The following PATJ variants were observed in gnomAD, a reference collection of about 807,000 sequenced individuals.
PATJ encodes inaD-like protein.
In PATJ, 190 loss-of-function variants were observed where a neutral mutation model predicts 224.9. The observed-to-expected ratio is 0.84, with a 90% confidence interval of 0.75 to 0.95. PATJ has a LOEUF of 0.95. PATJ is among the 40% of genes least tolerant of loss of function. The pLI is 0.00. For missense variants in PATJ, 2,121 were observed against 2,270.3 expected (o/e 0.93, Z 1.34); for synonymous variants, 769 against 820.3 (o/e 0.94, Z 1.07).
In PATJ at chr1:62,163,821, A is replaced by C. The variant is rs746827812; in HGVS notation, c.*2767A>C. 6.6e-6 allele frequency: 1 copy of C among 152,208 alleles called. No individual in the cohort carries two copies. Among genetic ancestry groups the C allele is most frequent in the Non-Finnish European group, 1.5e-5 (1 of 68,034 alleles). 9.4% of individuals were successfully genotyped at this position (152,208 alleles called of 1,614,324 possible). A position where few individuals can be genotyped will look rare whatever the true frequency, so the allele number is the denominator to read the frequency against. On this transcript the variant is annotated 3_prime_UTR_variant, in exon 44 of 44. Transcript: ENST00000642238. ...AATGATATCACTAATCGGAATTAGC[A>C]TGAGAGGGAAGTAAGCCAGGAAGAA...
intron 18 of PATJ, 142 bp downstream of exon 18, chr1:61,856,381 C>T: frequency 1.5e-6 from 1 of 650,560 alleles, no homozygotes; most frequent in Non-Finnish European, 2.7e-6. Context: ...TTCTTAATGT[C>T]CTTGACTTAC....
intron 25 of PATJ, among the ~76,000 whole-genome samples, chr1:61,912,730 G>A (rs1448685540): frequency 6.7e-6 from 1 of 149,462 alleles, no homozygotes; most frequent in East Asian, 2.0e-4. Flanking sequence ...GGGGAGGGGA[G>A]GGAAGGCAGC....
chr1:61,993,586 T>C (rs2095091), intron 28 of PATJ, among the ~76,000 whole-genome samples: 97,919 of 151,678 alleles, frequency 0.65, 32,670 homozygotes, highest in African/African-American at 0.82. Context: ...ACACTCTTGT[T>C]ACCCAAGGAA....
At chr1:61,845,407 T>C (rs1444449322) in intron 17 of PATJ, among the ~76,000 whole-genome samples, 1 of 152,204 alleles carries the variant, frequency 6.6e-6, no homozygotes, top group East Asian at 1.9e-4. Flanking sequence ...TAGAAATTTC[T>C]AGTTATTTTG....
chr1:61,814,571 G>A (rs1157999209), intron 14 of PATJ, among the ~76,000 whole-genome samples: 1 of 145,614 alleles, frequency 6.9e-6, no homozygotes, highest in Non-Finnish European at 1.5e-5. Flanking sequence ...CATGTATGTG[G>A]GATAGAAGGG....
In PATJ at chr1:61,787,983, A is replaced by T; in HGVS notation, c.1068+11A>T. The T allele has an allele frequency of 6.3e-7, 1 of 1,598,856 alleles. No individual in the cohort carries two copies. Among genetic ancestry groups the T allele is most frequent in the Non-Finnish European group, 8.6e-7 (1 of 1,168,092 alleles). On this transcript the variant is annotated intron_variant, in intron 8 of 43. Transcript: ENST00000642238. ...AAGGGCCCTGGTTCTGTGAGTATAC[A>T]TATCATTCTTTCATCTTAAACCAAA...
At chr1:61,814,993 G>A (rs533667554) in intron 14 of PATJ, among the ~76,000 whole-genome samples, 1 of 152,322 alleles carries the variant, frequency 6.6e-6, no homozygotes, top group African/African-American at 2.4e-5. Flanking sequence ...TGCTCTCATA[G>A]AGCTTAGATT....
chr1:61,917,163 G>T (rs1233502684), intron 26 of PATJ, among the ~76,000 whole-genome samples: 2 of 152,154 alleles, frequency 1.3e-5, no homozygotes, highest in Non-Finnish European at 2.9e-5. Context: ...GTTTGTTTTG[G>T]AAAAGAGCTG....
chr1:62,035,699 C>T (rs2365985), intron 29 of PATJ, among the ~76,000 whole-genome samples: 18,896 of 149,052 alleles, frequency 0.13, 1,434 homozygotes, highest in Middle Eastern at 0.23. Flanking sequence ...GGGAGTAGGA[C>T]GGACATGAGT....
rs3060985 is a variant in PATJ at position 61,997,785 on chromosome 1, TTTTTGTTTTG to T, written c.3867+7451_3867+7460del. ...CTTCTTAGTTTTTTATGTGTGCGGTTTTTTGTTTTGTTTTGTTTTGTTTTGTTTTGTTTTG... is the reference window on the plus strand; with the variant it reads ...CTTCTTAGTTTTTTATGTGTGCGGTTTTTTGTTTTGTTTTGTTTTGTTTTG... On this transcript the variant is annotated intron_variant, in intron 28 of 43. Coordinates refer to ENST00000642238, the MANE Select transcript of PATJ (RefSeq NM_001350145.3). 4.6e-3 allele frequency among the ~76,000 whole-genome samples: 628 copies of T among 137,070 alleles called. 6 individuals carry two copies. The highest frequency in any genetic ancestry group is 0.027 in the East Asian group (135 of 4,930). The allele number at this position is 137,070 out of a possible 152,430, so 89.9% of individuals were successfully genotyped here. A position where few individuals can be genotyped will look rare whatever the true frequency, so the allele number is the denominator to read the frequency against.
At chr1:61,743,875 G>A (rs143150189) in intron 1 of PATJ, among the ~76,000 whole-genome samples, 1 of 152,278 alleles carries the variant, frequency 6.6e-6, no homozygotes, top group Non-Finnish European at 1.5e-5. Context: ...AGCCATATAT[G>A]CATGGAAGAG....
At chr1:61,845,130 G>C (rs1296611830) in intron 17 of PATJ, among the ~76,000 whole-genome samples, 1 of 152,126 alleles carries the variant, frequency 6.6e-6, no homozygotes, top group Non-Finnish European at 1.5e-5. Context: ...TATAGATAAG[G>C]GGGGACTACT....
At position 61,787,909 on chromosome 1, in the gene PATJ, C is replaced by T. The variant is rs769861485; in HGVS notation, c.1005C>T (p.Thr335=). ...ATCCAGCTGGTGACATTTCAGTCAC[C>T]CCCCCTGCCCCTGCAGCCTTACCTG... The part of the protein sequence containing the change: ...ARDPAGDISV[T]PPAPAALPVA... The change falls in exon 8 of 44, where the codon ACC becomes ACT. Residue 335 remains threonine (T), a synonymous_variant. Coordinates refer to ENST00000642238, the MANE Select transcript of PATJ (RefSeq NM_001350145.3). 5.0e-6 allele frequency: 8 copies of T among 1,613,762 alleles called. No homozygotes were observed. Among genetic ancestry groups the T allele is most frequent in the African/African-American group, 1.3e-5 (1 of 74,846 alleles).
chr1:61,927,794 G>C lies in PATJ; in HGVS notation c.3635G>C (p.Ser1212Thr). The part of the protein sequence containing the change: ...PPPYKALTDD[S>T]DENEEEDAFT... ...CCTTATAAAGCTCTGACTGATGACA[G>C]TGATGAAAATGAAGAAGAAGATGCC... is the stretch of plus-strand genomic sequence containing the variant. The change falls in exon 27 of 44, where the codon AGT becomes ACT. Residue 1212 changes from serine to threonine, a missense_variant. Coordinates refer to ENST00000642238, the MANE Select transcript of PATJ (RefSeq NM_001350145.3). 1 of 1,613,556 alleles carries C rather than the reference G, an allele frequency of 6.2e-7. No homozygotes were observed. Among genetic ancestry groups the C allele is most frequent in the Non-Finnish European group, 8.5e-7 (1 of 1,179,708 alleles).
At chr1:61,908,084 G>C (rs1408033848) in intron 24 of PATJ, among the ~76,000 whole-genome samples, 3 of 152,134 alleles carry the variant, frequency 2.0e-5, no homozygotes, top group Non-Finnish European at 2.9e-5. Flanking sequence ...GACATCTTAA[G>C]GTTCTGTTAC....
At chr1:61,813,408 T>C (rs1335811926) in intron 14 of PATJ, among the ~76,000 whole-genome samples, 1 of 144,260 alleles carries the variant, frequency 6.9e-6, no homozygotes, top group Non-Finnish European at 1.5e-5. Context: ...CATACACACA[T>C]ATACATATTT....
intron 42 of PATJ, among the ~76,000 whole-genome samples, chr1:62,149,969 A>G (rs962582328): frequency 1.3e-5 from 2 of 152,224 alleles, no homozygotes; most frequent in Non-Finnish European, 2.9e-5. Flanking sequence ...GTCCCTGAGT[A>G]TAGATAGGCA....
At chr1:62,058,074 T>C (rs1654836313) in intron 31 of PATJ, among the ~76,000 whole-genome samples, 1 of 152,250 alleles carries the variant, frequency 6.6e-6, no homozygotes, top group African/African-American at 2.4e-5. Context: ...TCTTTCATTG[T>C]GAAATATAAT....
At chr1:61,797,195 G>A (rs1651515645) in intron 10 of PATJ, 92 bp from the exon 11 acceptor site, 1 of 1,377,082 alleles carries the variant, frequency 7.3e-7, no homozygotes, top group Non-Finnish European at 1.0e-6. Context: ...TTTTTGGAAT[G>A]AAAGAAATTG....
Sources: allele counts gnomAD v4.1 joint callset (sites outside exome capture counted in the v4.1 genomes callset), GRCh38; gene constraint gnomAD v4.1.1; transcripts MANE v1.5; gene names NCBI Gene and HGNC (gene_info 2026-07-23, HGNC 2026-07-21).